YEATS2: variants seen among roughly 807,000 people sequenced by gnomAD.
The protein encoded by YEATS2 is YEATS domain-containing protein 2.
In YEATS2, 77 loss-of-function variants were observed where a neutral mutation model predicts 163.2. The observed-to-expected ratio is 0.47, with a 90% CI of 0.39 to 0.57. The LOEUF is 0.57. Ranked by LOEUF, YEATS2 falls within the 20% of genes least tolerant of loss-of-function variation. The pLI is 0.00. For missense variants in YEATS2, 1,549 were observed against 1,729.8 expected, an observed-to-expected ratio of 0.90 and a Z score of 1.85; for synonymous variants, 631 against 645.1, an observed-to-expected ratio of 0.98 and a Z score of 0.33.
At chr3:183,722,330 C>T (rs1716604186) in intron 5 of YEATS2, among the ~76,000 whole-genome samples, 194 bp downstream of exon 5, 1 of 131,430 alleles carries the variant, frequency 7.6e-6, no homozygotes, top group Non-Finnish European at 1.5e-5. Flanking sequence ...GCTCTGTTGC[C>T]CAGGCTGGAG....
chr3:183,733,514 A>G (rs1438280106), intron 7 of YEATS2, among the ~76,000 whole-genome samples: 2 of 152,216 alleles, frequency 1.3e-5, no homozygotes, highest in Admixed American at 6.5e-5. Context: ...AACCAATATA[A>G]AGTAGGTGAG....
rs1223841201 is a variant in YEATS2 at position 183,775,915 on chromosome 3, A to G, written c.2369A>G (p.Asn790Ser). Reference sequence around the variant, plus strand: ...TTGCTGTCATTCATTGTATTTTTAGATCTCCAGTCTGGCTCAGCTGCCAGT... The same window carrying G: ...TTGCTGTCATTCATTGTATTTTTAGGTCTCCAGTCTGGCTCAGCTGCCAGT... The part of the protein sequence containing the change: ...GAILRATNNA[N>S]LQSGSAASGG... The change falls in exon 18 of 31, where the codon AAT (asparagine) becomes AGT (serine). Residue 790 changes from asparagine to serine, a missense_variant and splice_region_variant. By Grantham distance (46) the Asn-to-Ser change is conservative (BLOSUM62 1). Transcript: ENST00000305135. The G allele has an allele frequency of 6.2e-7, 1 of 1,611,888 alleles. No individual in the cohort carries two copies. Among genetic ancestry groups the G allele is most frequent in the East Asian group, 2.2e-5 (1 of 44,854 alleles).
intron 12 of YEATS2, among the ~76,000 whole-genome samples, chr3:183,758,127 G>T (rs938757316): frequency 6.6e-6 from 1 of 152,198 alleles, no homozygotes; most frequent in Non-Finnish European, 1.5e-5. Flanking sequence ...GGAGGCCAAG[G>T]TGGGCGGATC....
At chr3:183,805,619 C>T (rs964794765) in intron 27 of YEATS2, among the ~76,000 whole-genome samples, 1 of 151,728 alleles carries the variant, frequency 6.6e-6, no homozygotes, top group African/African-American at 2.4e-5. Flanking sequence ...TGAAACCTTG[C>T]CTCTACAAAA....
intron 7 of YEATS2, among the ~76,000 whole-genome samples, chr3:183,730,052 G>GTTTGTGTTTTTTTTTTTTTTTTTT (rs1560244258): frequency 2.4e-5 from 1 of 41,698 alleles, no homozygotes; most frequent in African/African-American, 8.2e-5. Context: ...TTTTTTGTTT[G>GTTTGTGTTTTTTTTTTTTTTTTTT]TTTTTTTTTT....
At chr3:183,795,924 T>G (rs1725101648) in intron 21 of YEATS2, among the ~76,000 whole-genome samples, 1 of 151,938 alleles carries the variant, frequency 6.6e-6, no homozygotes, top group Non-Finnish European at 1.5e-5. Context: ...TTCCTTTCCT[T>G]AGCTCAGACC....
chr3:183,718,656 T>G (rs1716160395), intron 4 of YEATS2, 64 bp downstream of exon 4: 1 of 1,250,090 alleles, frequency 8.0e-7, no homozygotes, highest in African/African-American at 1.5e-5. Flanking sequence ...GGGGAAGTTA[T>G]GTCAATATGG....
At chr3:183,735,773 G>GC (rs906993298) in intron 7 of YEATS2, among the ~76,000 whole-genome samples, 3 of 151,492 alleles carry the variant, frequency 2.0e-5, no homozygotes, top group African/African-American at 7.3e-5. Context: ...TGCTGCCTCC[G>GC]CCCCCCGGGT....
chr3:183,705,131 G>T (rs926419625), intron 1 of YEATS2, among the ~76,000 whole-genome samples: 1 of 151,904 alleles, frequency 6.6e-6, no homozygotes, highest in African/African-American at 2.4e-5. Flanking sequence ...TTAACTGCAG[G>T]CTCCATCTCC....
intron 11 of YEATS2, among the ~76,000 whole-genome samples, chr3:183,755,741 C>CTTTTT (rs57050296): frequency 0.011 from 933 of 81,942 alleles, 62 homozygotes; most frequent in Non-Finnish European, 0.014. Context: ...TCCTTCCTTT[C>CTTTTT]TTTTTTTTTT....
At position 183,736,802 on chromosome 3, in the gene YEATS2, G is replaced by A; in HGVS notation, c.897G>A (p.Lys299=). Residue 299 remains lysine (K), a synonymous_variant, in exon 8 of 31, where the codon AAG becomes AAA. Transcript: ENST00000305135. ...VQVHFKDSQN[K]RIDIIHNLKL... ...TTCATTTTAAGGACAGCCAGAACAA[G>A]CGGATAGATATCATACATAATCTGA... 1 of 1,613,914 alleles carries A rather than the reference G, an allele frequency of 6.2e-7. No homozygotes were observed. The highest frequency in any genetic ancestry group is 8.5e-7 in the Non-Finnish European group (1 of 1,179,900).
chr3:183,751,814 A>T (rs1477981846), intron 9 of YEATS2, among the ~76,000 whole-genome samples: 1 of 152,200 alleles, frequency 6.6e-6, no homozygotes, highest in Non-Finnish European at 1.5e-5. Flanking sequence ...CAGCAAAATC[A>T]AGAGGTCCCA....
intron 16 of YEATS2, 58 bp from the exon 17 acceptor site, chr3:183,773,575 T>G: frequency 1.4e-6 from 2 of 1,478,976 alleles, no homozygotes; most frequent in Non-Finnish European, 1.8e-6. Flanking sequence ...ATTTTAATTT[T>G]AGAGTGTTGC....
At chr3:183,763,883 C>T (rs889906821) in intron 15 of YEATS2, among the ~76,000 whole-genome samples, 1 of 151,996 alleles carries the variant, frequency 6.6e-6, no homozygotes, top group African/African-American at 2.4e-5. Context: ...GCCTGTCCGA[C>T]GTGGTGAAAC....
intron 1 of YEATS2, among the ~76,000 whole-genome samples, chr3:183,714,024 C>G (rs1209665942): frequency 6.6e-6 from 1 of 151,992 alleles, no homozygotes; most frequent in Non-Finnish European, 1.5e-5. Flanking sequence ...AGGCTGGTCT[C>G]GAACTCCTGA....
At chr3:183,730,214 G>A (rs951082136) in intron 7 of YEATS2, among the ~76,000 whole-genome samples, 4 of 150,128 alleles carry the variant, frequency 2.7e-5, no homozygotes, top group Admixed American at 1.3e-4. Context: ...ACAGGTGCAC[G>A]CCACCATGCC....
chr3:183,754,500 A>G (rs891391700), intron 11 of YEATS2, 135 bp downstream of exon 11: 2 of 1,236,650 alleles, frequency 1.6e-6, no homozygotes, highest in Non-Finnish European at 2.1e-6. Flanking sequence ...AAGGAAGTTT[A>G]TCACTGTTGA....
chr3:183,779,223 C>T (rs1159890997), intron 19 of YEATS2, among the ~76,000 whole-genome samples: 1 of 152,204 alleles, frequency 6.6e-6, no homozygotes, highest in African/African-American at 2.4e-5. Context: ...TTCATTCTTG[C>T]TTTTGGTAAT....
chr3:183,709,902 C>G (rs913145776), intron 1 of YEATS2, among the ~76,000 whole-genome samples: 1 of 151,270 alleles, frequency 6.6e-6, no homozygotes, highest in African/African-American at 2.4e-5. Flanking sequence ...GGATGGTCTT[C>G]ATCTCCTGAC....
Sources: gnomAD v4.1 joint callset for allele counts (sites outside exome capture counted in the v4.1 genomes callset) on GRCh38, gnomAD v4.1.1 for gene constraint, MANE v1.5 for transcripts, NCBI Gene and HGNC (gene_info 2026-07-23, HGNC 2026-07-21) for gene names.